CD55: variants seen among roughly 807,000 people sequenced by gnomAD.
The protein encoded by CD55 is complement decay-accelerating factor.
In CD55, 41 loss-of-function variants were observed where a neutral mutation model predicts 45.8. The ratio of observed to expected loss-of-function variants is 0.90; its 90% CI spans 0.70 to 1.16. CD55 has a LOEUF of 1.16. Ranked by LOEUF, CD55 falls within the 50% of genes most tolerant of loss-of-function variation. The pLI, the probability that CD55 is intolerant of heterozygous loss-of-function variation, is 0.00. For synonymous variants in CD55, 181 were observed against 181.1 expected (o/e 1.00, Z 0.01); for missense variants, 416 against 469.8 (o/e 0.89, Z 1.06).
chr1:207,345,238 C>A (rs1655585383), intron 9 of CD55, among the ~76,000 whole-genome samples: 1 of 151,856 alleles, frequency 6.6e-6, no homozygotes, highest in Non-Finnish European at 1.5e-5. Context: ...TTTTTTTATT[C>A]TTTTTTCCTT....
chr1:207,328,192 A>G (rs759698169), intron 5 of CD55, among the ~76,000 whole-genome samples: 1 of 152,158 alleles, frequency 6.6e-6, no homozygotes, highest in Non-Finnish European at 1.5e-5. Context: ...CATGCTGAAT[A>G]TTCTGATGTT....
Position 207,359,145 on chromosome 1 carries a change from A to G in CD55, c.1082-401A>G, listed in dbSNP as rs529973758. ...CACAAAAATAACTTGGTGTAAATGT[A>G]TCTGTAAAACTTTCTGAGTGTCTTC... On this transcript the variant is annotated intron_variant, in intron 9 of 9. Coordinates refer to ENST00000367064, the MANE Select transcript of CD55 (RefSeq NM_000574.5). Among the ~76,000 whole-genome samples the G allele has an allele frequency of 7.2e-5, 11 of 152,324 alleles. No individual in the cohort carries two copies. In the East Asian group the frequency reaches 2.1e-3, roughly 29 times the overall value.
At chr1:207,353,998 C>CT (rs755948638) in intron 9 of CD55, 7 of 1,532,296 alleles carry the variant, frequency 4.6e-6, no homozygotes, top group Non-Finnish European at 6.1e-6. Context: ...TGCATTTCCA[C>CT]TTTGTTAGCT....
chr1:207,335,919 A>T (rs1463033098), intron 6 of CD55, among the ~76,000 whole-genome samples: 2 of 152,140 alleles, frequency 1.3e-5, no homozygotes, highest in African/African-American at 4.8e-5. Flanking sequence ...CATTTTACAG[A>T]TGAGGAAACT....
At chr1:207,330,008 AT>A (rs1467644239) in intron 5 of CD55, among the ~76,000 whole-genome samples, 3 of 144,890 alleles carry the variant, frequency 2.1e-5, no homozygotes, top group Non-Finnish European at 3.0e-5. Flanking sequence ...TGACCCTTGC[AT>A]TTTTTATTGA....
chr1:207,340,781 T>C, intron 9 of CD55: 2 of 449,062 alleles, frequency 4.5e-6, no homozygotes, highest in Non-Finnish European at 7.9e-6. Flanking sequence ...TTTGATATAT[T>C]GGTTTTATTT....
intron 6 of CD55, among the ~76,000 whole-genome samples, chr1:207,332,828 T>C (rs998531678): frequency 1.3e-5 from 2 of 152,166 alleles, no homozygotes; most frequent in African/African-American, 4.8e-5. Context: ...CAACAAGGTC[T>C]GAATGAACTA....
In CD55 at chr1:207,339,418, G is replaced by T; in HGVS notation, c.1081+1G>T. ...GTAGGTACTACCCGTCTTCTATCTG[G>T]TAAGTTTGGCTCTCAGGCCATTAAA... On this transcript the variant is annotated splice_donor_variant, in intron 9 of 9. Coordinates refer to ENST00000367064, the MANE Select transcript of CD55 (RefSeq NM_000574.5). LOFTEE classifies it high-confidence loss of function. The T allele has an allele frequency of 6.2e-7, 1 of 1,605,186 alleles. No homozygotes were observed.
chr1:207,347,991 A>C (rs891858592), intron 9 of CD55, among the ~76,000 whole-genome samples: 2 of 152,206 alleles, frequency 1.3e-5, no homozygotes, highest in African/African-American at 4.8e-5. Flanking sequence ...ACTGATGTGC[A>C]TCTAGGTTGA....
chr1:207,328,500 G>A (rs1162571961), intron 5 of CD55, among the ~76,000 whole-genome samples: 1 of 152,222 alleles, frequency 6.6e-6, no homozygotes, highest in African/African-American at 2.4e-5. Flanking sequence ...ATACGAAGAA[G>A]GAAAGAACAG....
chr1:207,341,733 T>C (rs925267802), intron 9 of CD55, among the ~76,000 whole-genome samples: 2 of 152,130 alleles, frequency 1.3e-5, no homozygotes, highest in Admixed American at 1.3e-4. Context: ...CTTTGGACTC[T>C]TTTGGTTCCA....
At chr1:207,325,412 A>G (rs898277059) in intron 3 of CD55, among the ~76,000 whole-genome samples, 1 of 151,902 alleles carries the variant, frequency 6.6e-6, no homozygotes, top group African/African-American at 2.4e-5. Context: ...GTGCTTGATA[A>G]TTTTTTCAAA....
chr1:207,344,388 A>G (rs1655547870), intron 9 of CD55, among the ~76,000 whole-genome samples: 1 of 152,138 alleles, frequency 6.6e-6, no homozygotes, highest in South Asian at 2.1e-4. Flanking sequence ...CACTCCCTTA[A>G]GCATTTCTTG....
chr1:207,325,610 A>G lies in CD55; in HGVS notation c.479-12A>G, dbSNP rs1436585584. On this transcript the variant is annotated splice_polypyrimidine_tract_variant and intron_variant, in intron 3 of 9. Coordinates refer to ENST00000367064, the MANE Select transcript of CD55 (RefSeq NM_000574.5). ...ATTTAATTTTAAAAAATCAATTTGTATTCTATTCTAGAGAAATCATGCCCT... is the reference window on the plus strand; with the variant it reads ...ATTTAATTTTAAAAAATCAATTTGTGTTCTATTCTAGAGAAATCATGCCCT... 1.9e-6 allele frequency: 3 copies of G among 1,538,516 alleles called. No individual in the cohort carries two copies. The highest frequency in any genetic ancestry group is 2.3e-5 in the East Asian group (1 of 44,332).
intron 9 of CD55, among the ~76,000 whole-genome samples, chr1:207,350,543 G>A (rs1304870584): frequency 6.6e-6 from 1 of 152,010 alleles, no homozygotes; most frequent in Non-Finnish European, 1.5e-5. Flanking sequence ...ACTTGTTATT[G>A]GTCTGTTCAG....
intron 9 of CD55, among the ~76,000 whole-genome samples, chr1:207,341,614 T>G (rs992843951): frequency 4.6e-5 from 7 of 152,242 alleles, no homozygotes; most frequent in African/African-American, 1.7e-4. Flanking sequence ...TTATTCTGTG[T>G]GCCTGTTTTT....
intron 5 of CD55, among the ~76,000 whole-genome samples, chr1:207,327,501 A>G (rs1316347580): frequency 6.6e-6 from 1 of 152,228 alleles, no homozygotes; most frequent in Admixed American, 6.5e-5. Context: ...AGTCAAATTT[A>G]TGTCAATTAG....
chr1:207,347,461 C>T (rs796280176), intron 9 of CD55: 6 of 340,678 alleles, frequency 1.8e-5, no homozygotes, highest in African/African-American at 4.3e-5. Context: ...GGTGTTTCAC[C>T]GTGTTATCCA....
rs756176395 is a variant in CD55 at position 207,359,561 on chromosome 1, C to T, written c.1097C>T (p.Thr366Met). ...TRLLSGHTCFTLTGLLGTLVT... is the reference protein window; with the variant it reads ...TRLLSGHTCFMLTGLLGTLVT... ...TAATTTTCAGGGCACACGTGTTTCA[C>T]GTTGACAGGTTTGCTTGGGACGCTA... The change falls in exon 10 of 10, where the codon ACG becomes ATG. Residue 366 changes from threonine (T) to methionine (M), a missense_variant. Physicochemically the swap from Thr to Met is moderately conservative, Grantham distance 81. This residue lies in a region of CD55 where 182 missense variants were observed against 201.4 expected (regional missense o/e 0.90). Transcript: ENST00000367064. 2.0e-5 allele frequency: 30 copies of T among 1,532,606 alleles called. No homozygotes were observed. In the African/African-American group the frequency reaches 2.3e-4, roughly 12 times the overall value. The allele number at this position is 1,532,606 out of a possible 1,614,324, so 94.9% of individuals were successfully genotyped here. A position where few individuals can be genotyped will look rare whatever the true frequency, so the allele number is the denominator to read the frequency against.
Sources: allele counts gnomAD v4.1 joint callset (sites outside exome capture counted in the v4.1 genomes callset), GRCh38; gene constraint gnomAD v4.1.1; regional missense constraint gnomAD v4.1.1; transcripts MANE v1.5; gene names NCBI Gene and HGNC (gene_info 2026-07-23, HGNC 2026-07-21).